The following MLIP variants were observed in gnomAD, a reference collection of about 807,000 sequenced individuals.
MLIP encodes muscular LMNA interacting protein.
MLIP carries 79 observed loss-of-function variants against 84.8 expected under a neutral mutation model. The observed-to-expected ratio is 0.93, with a 90% CI of 0.78 to 1.12. The LOEUF is 1.12. Among genes scored for constraint, MLIP ranks in the 50% most tolerant of loss-of-function variants. MLIP has a pLI of 0.00. For synonymous variants in MLIP, 504 were observed against 463.0 expected (o/e 1.09, Z -1.14); for missense variants, 1,257 against 1,160.6 (o/e 1.08, Z -1.21).
intron 4 of MLIP, among the ~76,000 whole-genome samples, chr6:54,138,921 A>G (rs541230227): frequency 6.6e-6 from 1 of 152,170 alleles, no homozygotes; most frequent in African/African-American, 2.4e-5. Context: ...AGGGGTGGTG[A>G]TTTTCAGCTC....
intron 5 of MLIP, among the ~76,000 whole-genome samples, chr6:54,150,748 G>T (rs1773356655): frequency 6.6e-6 from 1 of 152,140 alleles, no homozygotes; most frequent in Non-Finnish European, 1.5e-5. Context: ...ACTGTTTCCA[G>T]AATCTCTGTC....
At chr6:54,045,744 G>A (rs188512889) in intron 1 of MLIP, 2 of 152,814 alleles carry the variant, frequency 1.3e-5, no homozygotes, top group Non-Finnish European at 2.9e-5. Flanking sequence ...TTCTCTGGCC[G>A]TGCAAAACGT....
chr6:54,021,271 G>C (rs1477570652), intron 1 of MLIP, among the ~76,000 whole-genome samples: 1 of 151,898 alleles, frequency 6.6e-6, no homozygotes, highest in Admixed American at 6.6e-5. Context: ...TAAAAGTCTG[G>C]TTTTTAAAAG....
intron 12 of MLIP, among the ~76,000 whole-genome samples, chr6:54,244,706 A>G (rs1781959561): frequency 6.6e-6 from 1 of 152,196 alleles, no homozygotes; most frequent in Non-Finnish European, 1.5e-5. Flanking sequence ...CTTAAAGTGT[A>G]CTTAATTAAT....
intron 12 of MLIP, among the ~76,000 whole-genome samples, chr6:54,242,990 C>T (rs1479006590): frequency 6.6e-6 from 1 of 152,162 alleles, no homozygotes. Context: ...AGGTGCAAAG[C>T]ACTGTGTTTG....
intron 3 of MLIP, among the ~76,000 whole-genome samples, chr6:54,132,280 C>A (rs1244067800): frequency 6.6e-6 from 1 of 152,060 alleles, no homozygotes; most frequent in Non-Finnish European, 1.5e-5. Flanking sequence ...GAGAGAATTT[C>A]TGTTTTATAT....
intron 12 of MLIP, 22 bp from the exon 13 acceptor site, chr6:54,257,286 C>T (rs1386813920): frequency 1.3e-6 from 2 of 1,597,620 alleles, no homozygotes; most frequent in Non-Finnish European, 1.7e-6. Flanking sequence ...CTGATCATAT[C>T]CTGGGCATCT....
chr6:54,142,266 T>G (rs1032466956), intron 4 of MLIP, among the ~76,000 whole-genome samples: 2 of 152,232 alleles, frequency 1.3e-5, no homozygotes, highest in Non-Finnish European at 2.9e-5. Context: ...CAGTTTATAT[T>G]CTTTGGTGGA....
chr6:54,196,818 A>G (rs1778331345), intron 10 of MLIP, among the ~76,000 whole-genome samples: 1 of 152,168 alleles, frequency 6.6e-6, no homozygotes. Context: ...GTTGAGAAAG[A>G]AAGACAATAA....
At position 54,043,748 on chromosome 6, in the gene MLIP, AC is replaced by A. The variant is rs1764879284; in HGVS notation, c.63+24658del. 3.3e-5 allele frequency among the ~76,000 whole-genome samples: 5 copies of A among 152,198 alleles called. No individual in the cohort carries two copies. In the South Asian group the frequency reaches 1.0e-3, roughly 32 times the overall value. On this transcript the variant is annotated intron_variant, in intron 1 of 12. Transcript: ENST00000274897. ...AGAAGTTGGGAGTGACATGGGGGAA[AC>A]AAATCTTGATCCAGTAGTGGAAGCC...
At chr6:54,129,793 A>G (rs1335262106) in intron 3 of MLIP, among the ~76,000 whole-genome samples, 1 of 152,186 alleles carries the variant, frequency 6.6e-6, no homozygotes, top group Non-Finnish European at 1.5e-5. Context: ...CTTTGAATGC[A>G]GAACAGAGCC....
At chr6:54,207,542 C>T (rs889317218) in intron 11 of MLIP, among the ~76,000 whole-genome samples, 4 of 151,886 alleles carry the variant, frequency 2.6e-5, no homozygotes, top group Admixed American at 2.0e-4. Context: ...TTTCCATGCC[C>T]CTCTTCAGCT....
At chr6:54,184,861 G>A (rs7751241) in intron 9 of MLIP, among the ~76,000 whole-genome samples, 15,800 of 151,980 alleles carry the variant, frequency 0.1, 1,077 homozygotes, top group East Asian at 0.21. Context: ...TATGGATTAC[G>A]AATTTTTATT....
chr6:54,033,162 G>A (rs1246245717), intron 1 of MLIP, among the ~76,000 whole-genome samples: 2 of 152,048 alleles, frequency 1.3e-5, no homozygotes, highest in Non-Finnish European at 2.9e-5. Context: ...TAGATAATAG[G>A]CAGAACACGT....
chr6:54,215,083 TA>T, intron 11 of MLIP: 1 of 1,332,286 alleles, frequency 7.5e-7, no homozygotes, highest in South Asian at 1.3e-5. Flanking sequence ...CTCCTATTTG[TA>T]ACCTTTTCTA....
At chr6:54,115,930 G>A (rs1769877148) in intron 1 of MLIP, among the ~76,000 whole-genome samples, 2 of 152,174 alleles carry the variant, frequency 1.3e-5, no homozygotes, top group South Asian at 4.1e-4. Context: ...AGTGAAGGGA[G>A]TATTTTGAAA....
rs556742258 is a variant in MLIP, at chr6:54,073,496, C to T, written c.64-47951C>T. On this transcript the variant is annotated intron_variant, in intron 1 of 12. Coordinates refer to the MLIP transcript ENST00000274897. The stretch of plus-strand genomic sequence containing the variant: ...TTACTTTTTTTCGGTTAGTCCTAAA[C>T]GCATGTACTTTCATCAATTTTTGTA... Among the ~76,000 whole-genome samples the T allele has an allele frequency of 5.3e-5, 8 of 152,206 alleles. No homozygotes were observed. In the East Asian group the frequency reaches 5.8e-4, roughly 11 times the overall value.
exon 1 of MLIP, chr6:54,018,993 C>A: frequency 6.5e-7 from 1 of 1,547,956 alleles, no homozygotes; most frequent in South Asian, 1.1e-5. Context: ...ACCTCTGTGT[C>A]TCTCAGTCTT....
intron 5 of MLIP, among the ~76,000 whole-genome samples, chr6:54,150,054 A>G (rs951285996): frequency 3.3e-5 from 5 of 152,146 alleles, no homozygotes; most frequent in African/African-American, 7.2e-5. Context: ...TTGTTTGCCA[A>G]CCAGGTGGTA....
Sources: gnomAD v4.1 joint callset for allele counts (sites outside exome capture counted in the v4.1 genomes callset) on GRCh38, gnomAD v4.1.1 for gene constraint, MANE v1.5 for transcripts, NCBI Gene and HGNC (gene_info 2026-07-23, HGNC 2026-07-21) for gene names.